The following FERRY3 variants were observed in gnomAD, a reference collection of about 807,000 sequenced individuals.
FERRY3 encodes the protein protein C12orf4.
the FERRY3 span, among the ~76,000 whole-genome samples, chr12:4,498,858 G>C: frequency 6.6e-6 from 1 of 152,158 alleles, no homozygotes; most frequent in African/African-American, 2.4e-5. Context: ...GTTCACAATA[G>C]GGTTCACGCT....
At chr12:4,491,267 T>C in the FERRY3 span, 4 of 1,564,338 alleles carry the variant, frequency 2.6e-6, no homozygotes, top group South Asian at 3.3e-5. Flanking sequence ...AGATATGTTT[T>C]TGATAGAACT....
At chr12:4,489,738 T>A in the FERRY3 span, 1 of 1,129,332 alleles carries the variant, frequency 8.9e-7, no homozygotes, top group Non-Finnish European at 1.3e-6. Flanking sequence ...CTTGACAGAT[T>A]CCCAGCATAG....
At chr12:4,519,489 A>G in the FERRY3 span, among the ~76,000 whole-genome samples, 3 of 152,164 alleles carry the variant, frequency 2.0e-5, no homozygotes, top group Non-Finnish European at 2.9e-5. This position sits in a 1 kb window ranked among gnomAD's most constrained non-coding sequence, Gnocchi z 4.3. Flanking sequence ...TCACCGTTCA[A>G]TTCCAACAGT....
At chr12:4,534,214 T>C in the FERRY3 span, 2 of 1,612,866 alleles carry the variant, frequency 1.2e-6, no homozygotes, top group South Asian at 1.1e-5. Context: ...CTTCACCTGA[T>C]TTCACAGCTG....
At chr12:4,509,414 C>G in the FERRY3 span, 1 of 152,140 alleles carries the variant, frequency 6.6e-6, no homozygotes, top group Non-Finnish European at 1.4e-5. Flanking sequence ...AGGAGGCCTG[C>G]CTGCCTCTGT....
At chr12:4,488,028 A>G in the FERRY3 span, 1 of 152,200 alleles carries the variant, frequency 6.6e-6, no homozygotes, top group African/African-American at 2.4e-5. This position sits in a 1 kb window ranked among gnomAD's most constrained non-coding sequence, Gnocchi z 4.9. Context: ...TTATATATTT[A>G]TTATTAGCTT....
the FERRY3 span, among the ~76,000 whole-genome samples, chr12:4,510,678 T>C: frequency 9.9e-5 from 15 of 150,818 alleles, no homozygotes; most frequent in Admixed American, 4.0e-4. Context: ...TAAAATACTT[T>C]ACAGACAAGC....
the FERRY3 span, among the ~76,000 whole-genome samples, chr12:4,496,923 T>G: frequency 6.6e-6 from 1 of 152,216 alleles, no homozygotes; most frequent in African/African-American, 2.4e-5. Flanking sequence ...TTATTTCTTA[T>G]TTTTCGCATT....
At chr12:4,499,545 C>A in the FERRY3 span, among the ~76,000 whole-genome samples, 16 of 152,284 alleles carry the variant, frequency 1.1e-4, no homozygotes, top group Middle Eastern at 3.4e-3. Flanking sequence ...TGGAAAAAGA[C>A]TGTTAAAAAT....
the FERRY3 span, chr12:4,518,362 A>T: frequency 1.0e-6 from 1 of 955,308 alleles, no homozygotes; most frequent in Non-Finnish European, 1.6e-6. Context: ...CTGTACCACA[A>T]AATAATTAAA....
the FERRY3 span, among the ~76,000 whole-genome samples, chr12:4,505,586 A>G: frequency 6.6e-6 from 1 of 152,336 alleles, no homozygotes; most frequent in African/African-American, 2.4e-5. Flanking sequence ...AAGTCCTACT[A>G]CTATGTCCAT....
chr12:4,506,499 C>G, the FERRY3 span, among the ~76,000 whole-genome samples: 2 of 152,070 alleles, frequency 1.3e-5, no homozygotes, highest in Non-Finnish European at 1.5e-5. Flanking sequence ...ATTATCGTTT[C>G]TAATATAGAG....
At chr12:4,521,658 A>G in the FERRY3 span, among the ~76,000 whole-genome samples, 1 of 152,220 alleles carries the variant, frequency 6.6e-6, no homozygotes, top group Non-Finnish European at 1.5e-5. Flanking sequence ...CAATGCCCCC[A>G]TTAACCTGAC....
the FERRY3 span, chr12:4,529,895 A>G: frequency 3.1e-6 from 5 of 1,590,988 alleles, no homozygotes; most frequent in South Asian, 4.7e-5. Flanking sequence ...TCAGCTCCAC[A>G]TCTCTTTCAC....
chr12:4,497,870 C>CT, the FERRY3 span, among the ~76,000 whole-genome samples: 1 of 152,202 alleles, frequency 6.6e-6, no homozygotes, highest in Non-Finnish European at 1.5e-5. Flanking sequence ...AACTGAGTGT[C>CT]TAACAATTCT....
chr12:4,534,810 T>C, the FERRY3 span, among the ~76,000 whole-genome samples: 1 of 152,228 alleles, frequency 6.6e-6, no homozygotes. Context: ...CCTTTACTAT[T>C]ACAGGCTATT....
chr12:4,512,966 T>G, the FERRY3 span, among the ~76,000 whole-genome samples: 2 of 39,632 alleles, frequency 5.0e-5, no homozygotes, highest in African/African-American at 1.1e-4. Flanking sequence ...TGTTTGCAGA[T>G]GACATGATTG....
At chr12:4,500,100 G>A in the FERRY3 span, 1 of 1,528,390 alleles carries the variant, frequency 6.5e-7, no homozygotes, top group Non-Finnish European at 9.1e-7. Context: ...TTATGATTAT[G>A]TAAATCATAA....
chr12:4,530,224 GA>G, the FERRY3 span, among the ~76,000 whole-genome samples: 3 of 148,552 alleles, frequency 2.0e-5, no homozygotes, highest in East Asian at 3.9e-4. Context: ...TCTAAGCACA[GA>G]AAAAAAAAAT....
Sources: allele counts gnomAD v4.1 joint callset (sites outside exome capture counted in the v4.1 genomes callset), GRCh38; gene constraint gnomAD v4.1.1; non-coding constraint Gnocchi (gnomAD v3.1); transcripts MANE v1.5; gene names NCBI Gene and HGNC (gene_info 2026-07-23, HGNC 2026-07-21).